PTPRT: variants seen among roughly 807,000 people sequenced by gnomAD.
PTPRT encodes the protein protein tyrosine phosphatase receptor type T, also known as receptor-type tyrosine-protein phosphatase T.
PTPRT carries 56 observed loss-of-function variants against 176.8 expected under a neutral mutation model. The ratio of observed to expected loss-of-function variants is 0.32; its 90% CI spans 0.26 to 0.40. The LOEUF (loss-of-function observed/expected upper bound fraction) is 0.40. Among genes scored for constraint, PTPRT ranks in the 10% least tolerant of loss-of-function variants. The pLI, the probability that PTPRT is intolerant of heterozygous loss-of-function variation, is 1.00. For missense variants in PTPRT, 1,540 were observed against 1,908.2 expected, an observed-to-expected ratio of 0.81 and a Z score of 3.60; for synonymous variants, 783 against 739.0, an observed-to-expected ratio of 1.06 and a Z score of -0.96.
chr20:42,582,209 T>C (rs2073385672), intron 7 of PTPRT, among the ~76,000 whole-genome samples: 2 of 152,248 alleles, frequency 1.3e-5, no homozygotes, highest in South Asian at 4.1e-4. Flanking sequence ...TGGTCTTGTC[T>C]GCAGGCTCCC....
At chr20:42,430,085 C>CA (rs2059202301) in intron 9 of PTPRT, among the ~76,000 whole-genome samples, 1 of 152,178 alleles carries the variant, frequency 6.6e-6, no homozygotes, top group African/African-American at 2.4e-5. Context: ...TGTATTTTAG[C>CA]AAAATGATTT....
chr20:42,242,739 T>A (rs1157927600), intron 14 of PTPRT, among the ~76,000 whole-genome samples: 7 of 152,144 alleles, frequency 4.6e-5, no homozygotes, highest in Non-Finnish European at 1.0e-4. Flanking sequence ...GAAACTTGTT[T>A]CCATATGGGC....
intron 1 of PTPRT, among the ~76,000 whole-genome samples, chr20:42,963,472 A>T (rs1331510125): frequency 6.6e-6 from 1 of 151,762 alleles, no homozygotes; most frequent in Non-Finnish European, 1.5e-5. Flanking sequence ...TTTAAAAAAT[A>T]AAAAATGAGT....
At chr20:42,037,592 A>T in the PTPRT span, among the ~76,000 whole-genome samples, 3 of 152,176 alleles carry the variant, frequency 2.0e-5, no homozygotes, top group African/African-American at 7.2e-5. Context: ...ACATTTCAGT[A>T]ATGACAGTCG....
chr20:42,143,488 C>T (rs1168450607), intron 17 of PTPRT, among the ~76,000 whole-genome samples: 1 of 149,134 alleles, frequency 6.7e-6, no homozygotes, highest in Admixed American at 6.8e-5. Flanking sequence ...ACCCGGGAAG[C>T]GGAGCTGGCA....
intron 6 of PTPRT, among the ~76,000 whole-genome samples, chr20:42,695,091 G>A (rs2075853913): frequency 1.3e-5 from 2 of 152,132 alleles, no homozygotes; most frequent in African/African-American, 4.8e-5. Flanking sequence ...TTTTGTCATT[G>A]AGTTTTAAGA....
chr20:42,821,842 T>C (rs2077900281), intron 2 of PTPRT, among the ~76,000 whole-genome samples: 1 of 152,046 alleles, frequency 6.6e-6, no homozygotes, highest in African/African-American at 2.4e-5. Flanking sequence ...CACCTAGGAA[T>C]ACAGCTAACA....
chr20:42,626,519 T>G (rs1156521959), intron 7 of PTPRT, among the ~76,000 whole-genome samples: 2 of 152,224 alleles, frequency 1.3e-5, no homozygotes, highest in Non-Finnish European at 2.9e-5. Flanking sequence ...AGTACACTAC[T>G]AAATGCAGCA....
intron 27 of PTPRT, among the ~76,000 whole-genome samples, chr20:42,093,018 C>T (rs979191750): frequency 1.3e-5 from 2 of 152,226 alleles, no homozygotes; most frequent in African/African-American, 4.8e-5. Flanking sequence ...ATGCTCCATA[C>T]ACCAGGTGCC....
intron 2 of PTPRT, among the ~76,000 whole-genome samples, chr20:42,869,316 C>T (rs575385700): frequency 2.0e-4 from 31 of 152,270 alleles, no homozygotes; most frequent in African/African-American, 7.5e-4. Context: ...CAACCCCAAC[C>T]ACTGAGAGCT....
intron 1 of PTPRT, among the ~76,000 whole-genome samples, chr20:42,931,448 G>T (rs775224769): frequency 6.6e-6 from 1 of 152,158 alleles, no homozygotes; most frequent in Non-Finnish European, 1.5e-5. Context: ...TTTAAGCCAC[G>T]CAGTCTATGC....
chr20:42,182,907 G>GGTATGTGT (rs1990581592), intron 16 of PTPRT, among the ~76,000 whole-genome samples: 1 of 144,606 alleles, frequency 6.9e-6, no homozygotes, highest in South Asian at 2.3e-4. Context: ...TACAAGCAGG[G>GGTATGTGT]GTGTGTGTGT....
At chr20:42,217,595 C>G (rs2055806151) in intron 15 of PTPRT, among the ~76,000 whole-genome samples, 1 of 152,064 alleles carries the variant, frequency 6.6e-6, no homozygotes, top group South Asian at 2.1e-4. Context: ...TTCCTCTATG[C>G]CAGGATTTCT....
chr20:42,291,773 G>T (rs2057320164), intron 12 of PTPRT, among the ~76,000 whole-genome samples: 1 of 152,074 alleles, frequency 6.6e-6, no homozygotes, highest in Admixed American at 6.6e-5. Flanking sequence ...ATTACCTGAG[G>T]CATGATGTAA....
intron 7 of PTPRT, among the ~76,000 whole-genome samples, chr20:42,595,167 G>A (rs375854831): frequency 4.6e-5 from 7 of 151,978 alleles, no homozygotes; most frequent in Admixed American, 4.6e-4. Context: ...GGGCACGGGG[G>A]TCATTATTCA....
chr20:42,256,774 T>C (rs557860490), intron 13 of PTPRT, among the ~76,000 whole-genome samples: 106 of 151,986 alleles, frequency 7.0e-4, no homozygotes, highest in Non-Finnish European at 1.3e-3. Flanking sequence ...CAGAGGGTGG[T>C]AGTATCAGGA....
intron 2 of PTPRT, among the ~76,000 whole-genome samples, chr20:42,876,381 T>G (rs1039890694): frequency 2.6e-5 from 4 of 152,168 alleles, no homozygotes; most frequent in Admixed American, 6.5e-5. Context: ...GAGAATAGAT[T>G]ACATCTTTCC....
At chr20:43,168,287 A>C (rs2014907810) in intron 1 of PTPRT, among the ~76,000 whole-genome samples, 1 of 152,186 alleles carries the variant, frequency 6.6e-6, no homozygotes, top group African/African-American at 2.4e-5. Context: ...GCAAATGACA[A>C]AGAGGAAAAT....
Position 42,074,454 on chromosome 20 carries a change from C to T in PTPRT, c.*6425G>A. On this transcript the variant is annotated 3_prime_UTR_variant, in exon 31 of 31. Coordinates refer to ENST00000373187, the MANE Select transcript of PTPRT (RefSeq NM_007050.6). ...GGCTTTTATACTGATACTTTTCTGT[C>T]CAACACTTCAAGGCCACCAGACACT... The T allele has an allele frequency of 3.5e-6, 1 of 286,344 alleles. No homozygotes were observed. Among genetic ancestry groups the T allele is most frequent in the Non-Finnish European group, 6.5e-6 (1 of 154,398 alleles). The allele number at this position is 286,344 out of a possible 1,614,324, so 17.7% of individuals were successfully genotyped here. A position where few individuals can be genotyped will look rare whatever the true frequency, so the allele number is the denominator to read the frequency against.
Sources: allele counts gnomAD v4.1 joint callset (sites outside exome capture counted in the v4.1 genomes callset), GRCh38; gene constraint gnomAD v4.1.1; transcripts MANE v1.5; gene names NCBI Gene and HGNC (gene_info 2026-07-23, HGNC 2026-07-21).